Variants in PSMD8 observed in about 807,000 individuals in gnomAD.
The protein encoded by PSMD8 is proteasome 26S subunit, non-ATPase 8.
Under a neutral mutation model 40.0 loss-of-function variants are expected in PSMD8, and 30 were observed. The observed-to-expected ratio is 0.75, with a 90% CI of 0.56 to 1.02. The LOEUF (loss-of-function observed/expected upper bound fraction) is 1.02. Ranked by LOEUF, PSMD8 falls within the 50% of genes least tolerant of loss-of-function variation. The probability of loss-of-function intolerance (pLI) is 0.00; values close to 1 mark genes in which losing one functional copy is unlikely to be tolerated. For synonymous variants in PSMD8, 208 were observed against 192.5 expected (o/e 1.08, Z -0.67); for missense variants, 461 against 463.9 (o/e 0.99, Z 0.06).
At chr19:38,382,084 C>T in intron 5 of PSMD8, 33 bp from the exon 6 acceptor site, 4 of 1,501,702 alleles carry the variant, frequency 2.7e-6, no homozygotes, top group Non-Finnish European at 3.6e-6. Flanking sequence ...GTTGTTGATG[C>T]TCAGTAATGA....
In PSMD8 at chr19:38,374,842, G is replaced by C. The variant is rs1421396139; in HGVS notation, c.241G>C (p.Ala81Pro). 1 of 1,579,072 alleles carries C rather than the reference G, an allele frequency of 6.3e-7. No homozygotes were observed. Among genetic ancestry groups the C allele is most frequent in the Non-Finnish European group, 8.5e-7 (1 of 1,170,450 alleles). ...GAAGFSSSGP[A>P]ATSGAVLQAA... ...GGCAGGCTTCTCGAGCTCCGGGCCCGCGGCAACCTCGGGCGCTGTTCTGCA... is the reference window on the plus strand; with the variant it reads ...GGCAGGCTTCTCGAGCTCCGGGCCCCCGGCAACCTCGGGCGCTGTTCTGCA... The change falls in exon 1 of 7, where the codon GCG becomes CCG. Residue 81 changes from alanine (A) to proline (P), a missense_variant. Around this residue, in one of 2 missense-constraint regions of PSMD8, gnomAD observed 225 missense variants for 142.7 expected, o/e 1.58. Coordinates refer to ENST00000215071, the MANE Select transcript of PSMD8 (RefSeq NM_002812.5).
chr19:38,377,411 C>T (rs1416074679), intron 3 of PSMD8, among the ~76,000 whole-genome samples: 12 of 151,798 alleles, frequency 7.9e-5, no homozygotes, highest in African/African-American at 1.5e-4. Flanking sequence ...AGGCTGGTCT[C>T]GAACTCCTGG....
rs533163302 is a variant in PSMD8 at position 38,382,888 on chromosome 19, GGT to G, written c.916-363_916-362del. 7.6e-5 allele frequency: 17 copies of G among 223,224 alleles called. No individual in the cohort carries two copies. In the South Asian group the frequency reaches 1.2e-3, roughly 15 times the overall value. 13.8% of individuals were successfully genotyped at this position (223,224 alleles called of 1,614,324 possible). On this transcript the variant is annotated intron_variant, in intron 6 of 6. Transcript: ENST00000215071. ...GATCACGCCATTGCACTCCAGCCTGGGTGACAGAGCGAGACTCTGTCTGGGGA... is the reference window on the plus strand; with the variant it reads ...GATCACGCCATTGCACTCCAGCCTGGGACAGAGCGAGACTCTGTCTGGGGA...
rs772375748 is a variant in PSMD8 at position 38,383,358 on chromosome 19, G to C, written c.1021G>C (p.Glu341Gln). 1 of 1,613,888 alleles carries C rather than the reference G, an allele frequency of 6.2e-7. No individual in the cohort carries two copies. Among genetic ancestry groups the C allele is most frequent in the Non-Finnish European group, 8.5e-7 (1 of 1,179,880 alleles). Residue 341 changes from glutamate to glutamine, a missense_variant, in exon 7 of 7, where the codon GAG (glutamate) becomes CAG (glutamine). Glu to Gln is a conservative substitution (Grantham distance 29). Transcript: ENST00000215071. ...PSTELAKQVI[E>Q]YARQLEMIV Reference sequence around the variant, plus strand: ...CACAGAACTGGCCAAACAGGTCATCGAGTATGCCCGGCAGCTGGAGATGAT... The same window carrying C: ...CACAGAACTGGCCAAACAGGTCATCCAGTATGCCCGGCAGCTGGAGATGAT...
intron 1 of PSMD8, chr19:38,375,266 G>A: frequency 2.6e-6 from 1 of 385,520 alleles, no homozygotes; most frequent in Non-Finnish European, 4.7e-6. Flanking sequence ...AACATAGCGA[G>A]ACTCTGTCTC....
chr19:38,378,388 G>A (rs1970613766), intron 3 of PSMD8, among the ~76,000 whole-genome samples: 1 of 151,740 alleles, frequency 6.6e-6, no homozygotes, highest in African/African-American at 2.4e-5. Flanking sequence ...GGCGCCTGTA[G>A]TCCCAGCTAC....
chr19:38,379,081 A>G (rs1224338536), intron 3 of PSMD8, among the ~76,000 whole-genome samples, 159 bp from the exon 4 acceptor site: 2 of 152,198 alleles, frequency 1.3e-5, no homozygotes, highest in South Asian at 4.1e-4. Context: ...TGACTTATTC[A>G]TGCATCTTTG....
intron 3 of PSMD8, among the ~76,000 whole-genome samples, chr19:38,377,611 C>T (rs1850990918): frequency 6.6e-6 from 1 of 152,138 alleles, no homozygotes. Flanking sequence ...ATTCTCCTGC[C>T]TCAGTCTCCC....
In PSMD8 at chr19:38,374,584, G is replaced by C; in HGVS notation, c.-18G>C. 6.9e-7 allele frequency: 1 copy of C among 1,447,352 alleles called. No homozygotes were observed. Among genetic ancestry groups the C allele is most frequent in the Non-Finnish European group, 9.1e-7 (1 of 1,103,714 alleles). 89.7% of individuals were successfully genotyped at this position (1,447,352 alleles called of 1,614,324 possible). A position where few individuals can be genotyped will look rare whatever the true frequency, so the allele number is the denominator to read the frequency against. On this transcript the variant is annotated 5_prime_UTR_variant, in exon 1 of 7. Transcript: ENST00000215071. ...GGTCACCATCTTGAGTGACGACAGA[G>C]GCGGAGCTCCAACTGACATGTTCAT...
chr19:38,377,987 C>A (rs1326359492), intron 3 of PSMD8, among the ~76,000 whole-genome samples: 5 of 152,216 alleles, frequency 3.3e-5, no homozygotes, highest in African/African-American at 1.2e-4. Context: ...TTATTTGGGC[C>A]AGGTATTGTT....
chr19:38,380,882 C>G lies in PSMD8; in HGVS notation c.703-17C>G, dbSNP rs374385504. On this transcript the variant is annotated splice_polypyrimidine_tract_variant and intron_variant, in intron 4 of 6. Transcript: ENST00000215071. ...TCCTCTTCATTCTCTCTTCTTCCCC[C>G]TTCCCGGCTTCTGCAGTACCTGATG... 7.7e-5 allele frequency: 119 copies of G among 1,543,752 alleles called. No homozygotes were observed. The highest frequency in any genetic ancestry group is 1.0e-4 in the Non-Finnish European group (114 of 1,140,554).
At chr19:38,382,339 A>C (rs1429033157) in intron 6 of PSMD8, 111 bp downstream of exon 6, 1 of 847,546 alleles carries the variant, frequency 1.2e-6, no homozygotes, top group Non-Finnish European at 1.9e-6. Context: ...TTTAAGTTCA[A>C]CTGTGTGACT....
intron 3 of PSMD8, among the ~76,000 whole-genome samples, chr19:38,378,292 G>A (rs1970613115): frequency 6.6e-6 from 1 of 152,134 alleles, no homozygotes; most frequent in Admixed American, 6.5e-5. Flanking sequence ...CGGATCATGA[G>A]CTTAGGAGGT....
rs199606864 is a variant in PSMD8 at position 38,380,729 on chromosome 19, T to TGC, written c.703-167_703-166dup. On this transcript the variant is annotated intron_variant, in intron 4 of 6. Transcript: ENST00000215071. ...GAGAGTGTGTGTGTGTGTGTGTGTG[T>TGC]GCGCATAAACCAGCAAGGGCTTTCT... Among the ~76,000 whole-genome samples, 1,160 of 150,080 alleles carry TGC rather than the reference T, an allele frequency of 7.7e-3. 20 individuals carry two copies. The highest frequency in any genetic ancestry group is 0.026 in the African/African-American group (1,044 of 40,570).
Position 38,376,375 on chromosome 19 carries a change from C to T in PSMD8, c.457C>T (p.Gln153Ter). 1 of 1,552,492 alleles carries T rather than the reference C, an allele frequency of 6.4e-7. No individual in the cohort carries two copies. The highest frequency in any genetic ancestry group is 8.7e-7 in the Non-Finnish European group (1 of 1,147,382). The change falls in exon 3 of 7, where the codon CAA becomes TAA. Residue 153 changes from glutamine (Q) to a stop codon, truncating the protein, a stop_gained. Coordinates refer to ENST00000215071, the MANE Select transcript of PSMD8 (RefSeq NM_002812.5). LOFTEE classifies it high-confidence loss of function. ...AGGTGACATACTGGAGATCGGGGCC[C>T]AATGGAGCATCCTACGCAAGGACAT... ...LARDILEIGA[Q>*]WSILRKDIPS...
At chr19:38,375,451 G>A in intron 1 of PSMD8, 2 of 191,016 alleles carry the variant, frequency 1.0e-5, no homozygotes, top group Non-Finnish European at 2.2e-5. Context: ...GTGGATTCCA[G>A]GCAAGACCAA....
At position 38,382,110 on chromosome 19, in the gene PSMD8, C is replaced by T. The variant is rs1164896438; in HGVS notation, c.804-7C>T. 2 of 1,553,246 alleles carry T rather than the reference C, an allele frequency of 1.3e-6. No individual in the cohort carries two copies. Among genetic ancestry groups the T allele is most frequent in the Non-Finnish European group, 1.7e-6 (2 of 1,146,336 alleles). ...TCAGTAATGAGGAGCTTCTCATCTT[C>T]CCCCAGGGATGAGATCGCTGGGTGC... On this transcript the variant is annotated splice_region_variant and splice_polypyrimidine_tract_variant and intron_variant, in intron 5 of 6. Coordinates refer to ENST00000215071, the MANE Select transcript of PSMD8 (RefSeq NM_002812.5).
chr19:38,381,165 A>G, intron 5 of PSMD8, 166 bp downstream of exon 5: 1 of 589,006 alleles, frequency 1.7e-6, no homozygotes, highest in Non-Finnish European at 2.9e-6. Context: ...GGGCCTGGTC[A>G]TGGGATTGTG....
intron 1 of PSMD8, among the ~76,000 whole-genome samples, chr19:38,375,867 A>G (rs935112624): frequency 2.4e-4 from 37 of 152,226 alleles, no homozygotes; most frequent in African/African-American, 8.2e-4. Flanking sequence ...ATGGGCCAAG[A>G]ATGGAATGTA....
Sources: gnomAD v4.1 joint callset for allele counts (sites outside exome capture counted in the v4.1 genomes callset) on GRCh38, gnomAD v4.1.1 for gene constraint, gnomAD v4.1.1 regional missense constraint, MANE v1.5 for transcripts, NCBI Gene and HGNC (gene_info 2026-07-23, HGNC 2026-07-21) for gene names.